The following PPIG variants were observed in gnomAD, a reference collection of about 807,000 sequenced individuals.
PPIG encodes the protein peptidylprolyl isomerase G.
PPIG carries 26 observed loss-of-function variants against 87.9 expected under a neutral mutation model. That is an observed-to-expected ratio of 0.30 (90% CI 0.22 to 0.41). The LOEUF (loss-of-function observed/expected upper bound fraction) is 0.41, where lower values mean the gene tolerates loss of function less well. PPIG is among the 10% of genes least tolerant of loss of function. The probability of loss-of-function intolerance (pLI) is 1.00; values close to 1 mark genes in which losing one functional copy is unlikely to be tolerated. For missense variants in PPIG, 722 were observed against 879.4 expected (o/e 0.82, Z 2.26); for synonymous variants, 308 against 276.5 (o/e 1.11, Z -1.13).
chr2:169,607,164 TTTATA>T lies in PPIG; in HGVS notation c.289+21_289+25del, dbSNP rs774688091. On this transcript the variant is annotated intron_variant, in intron 6 of 13. Coordinates refer to ENST00000260970, the MANE Select transcript of PPIG (RefSeq NM_004792.3). ...TTTTTTGAAGGTAAAAATGTTTACA[TTTATA>T]TTATGTTTTAAATATTTTGTCTTTT... 54 of 1,434,852 alleles carry T rather than the reference TTTATA, an allele frequency of 3.8e-5. No individual in the cohort carries two copies. In the East Asian group the frequency reaches 1.2e-3, roughly 31 times the overall value. The allele number at this position is 1,434,852 out of a possible 1,614,324, so 88.9% of individuals were successfully genotyped here. A position where few individuals can be genotyped will look rare whatever the true frequency, so the allele number is the denominator to read the frequency against.
intron 12 of PPIG, 63 bp downstream of exon 12, chr2:169,633,310 G>A: frequency 1.6e-6 from 2 of 1,271,904 alleles, no homozygotes; most frequent in Non-Finnish European, 2.3e-6. Flanking sequence ...AATAATTTTA[G>A]GGTGTTTCTT....
chr2:169,612,677 T>TG (rs1685523523), intron 7 of PPIG, among the ~76,000 whole-genome samples: 1 of 152,120 alleles, frequency 6.6e-6, no homozygotes, highest in Admixed American at 6.6e-5. Flanking sequence ...CCACTGCACC[T>TG]GGCATGAAGT....
At chr2:169,590,661 A>T (rs970333329) in intron 1 of PPIG, among the ~76,000 whole-genome samples, 3 of 151,940 alleles carry the variant, frequency 2.0e-5, no homozygotes, top group Non-Finnish European at 2.9e-5. Flanking sequence ...AAACAAACAA[A>T]CAGACCTTAG....
intron 1 of PPIG, among the ~76,000 whole-genome samples, chr2:169,586,681 A>G (rs957362568): frequency 6.6e-6 from 1 of 152,248 alleles, no homozygotes; most frequent in Non-Finnish European, 1.5e-5. Context: ...GAAGCCATTC[A>G]TAATAAAGTA....
At chr2:169,595,828 A>G (rs546024113) in intron 1 of PPIG, among the ~76,000 whole-genome samples, 2 of 152,200 alleles carry the variant, frequency 1.3e-5, no homozygotes, top group East Asian at 3.9e-4. Context: ...TTTGAGACTG[A>G]GTTTCGCTCT....
chr2:169,614,353 T>C, intron 7 of PPIG, 111 bp from the exon 8 acceptor site: 1 of 1,031,046 alleles, frequency 9.7e-7, no homozygotes, highest in Non-Finnish European at 1.5e-6. Context: ...AGTTGATGTC[T>C]TTGTTTTCAA....
At chr2:169,614,070 TAAACTC>T (rs1437834314) in intron 7 of PPIG, among the ~76,000 whole-genome samples, 4 of 152,266 alleles carry the variant, frequency 2.6e-5, no homozygotes, top group African/African-American at 9.6e-5. Context: ...GCATTATTGT[TAAACTC>T]AAACACTGGT....
intron 9 of PPIG, among the ~76,000 whole-genome samples, chr2:169,624,287 G>A (rs1685828407): frequency 6.6e-6 from 1 of 152,080 alleles, no homozygotes; most frequent in African/African-American, 2.4e-5. Flanking sequence ...TATTATACTA[G>A]TAAGTTAAAT....
In PPIG at chr2:169,637,557, G is replaced by C. The variant is rs74263912; in HGVS notation, c.*34G>C. The C allele has an allele frequency of 6.7e-7, 1 of 1,484,970 alleles. No individual in the cohort carries two copies. Among genetic ancestry groups the C allele is most frequent in the Non-Finnish European group, 8.9e-7 (1 of 1,122,890 alleles). The allele number at this position is 1,484,970 out of a possible 1,614,324, so 92.0% of individuals were successfully genotyped here. Reference sequence around the variant, plus strand: ...TATAAACTTACTTCCATTCTGTTTCGGATTTTAAGTTTGAGAGACTTGCTA... The same window carrying C: ...TATAAACTTACTTCCATTCTGTTTCCGATTTTAAGTTTGAGAGACTTGCTA... On this transcript the variant is annotated 3_prime_UTR_variant, in exon 14 of 14. Transcript: ENST00000260970.
At chr2:169,627,163 A>G (rs1407578202) in intron 9 of PPIG, among the ~76,000 whole-genome samples, 1 of 152,088 alleles carries the variant, frequency 6.6e-6, no homozygotes, top group African/African-American at 2.4e-5. Flanking sequence ...CAGTGGTGCA[A>G]TCTTGGCTTA....
intron 7 of PPIG, among the ~76,000 whole-genome samples, chr2:169,613,640 TAAACTCTC>T (rs1685545725): frequency 2.6e-5 from 4 of 152,106 alleles, no homozygotes; most frequent in Non-Finnish European, 5.9e-5. Context: ...AAAAAACTTG[TAAACTCTC>T]AGCGGGGCAA....
At position 169,637,222 on chromosome 2, in the gene PPIG, A is replaced by C; in HGVS notation, c.1964A>C (p.Lys655Thr). The change falls in exon 14 of 14, where the codon AAA becomes ACA. Residue 655 changes from lysine (K) to threonine (T), a missense_variant. By Grantham distance (78) the Lys-to-Thr change is moderately conservative. Transcript: ENST00000260970. ...RNQESKSSHR[K>T]ENSESEKRMY... Reference sequence around the variant, plus strand: ...CAAGAGAGTAAGAGCTCACACAGAAAAGAAAATTCTGAGAGTGAGAAAAGA... The same window carrying C: ...CAAGAGAGTAAGAGCTCACACAGAACAGAAAATTCTGAGAGTGAGAAAAGA... The C allele has an allele frequency of 6.2e-7, 1 of 1,613,538 alleles. No individual in the cohort carries two copies. Among genetic ancestry groups the C allele is most frequent in the East Asian group, 2.2e-5 (1 of 44,862 alleles).
At chr2:169,620,905 G>A (rs928823725) in intron 9 of PPIG, among the ~76,000 whole-genome samples, 1 of 152,026 alleles carries the variant, frequency 6.6e-6, no homozygotes, top group African/African-American at 2.4e-5. Flanking sequence ...CTAATCTAGG[G>A]AATAATAATA....
chr2:169,606,591 C>CAAA (rs71006009), intron 5 of PPIG, among the ~76,000 whole-genome samples: 8 of 85,026 alleles, frequency 9.4e-5, no homozygotes, highest in East Asian at 8.1e-4. Flanking sequence ...GACTCTGTCT[C>CAAA]AAAAAAAAAA....
At position 169,631,006 on chromosome 2, in the gene PPIG, T is replaced by TAAA; in HGVS notation, c.761+21_761+22insAAA. 1 of 1,539,410 alleles carries TAAA rather than the reference T, an allele frequency of 6.5e-7. No individual in the cohort carries two copies. Among genetic ancestry groups the TAAA allele is most frequent in the Non-Finnish European group, 8.8e-7 (1 of 1,140,978 alleles). ...AGAAGAGGTCTTAATTTTACTTTTCTAATGCTAGCTTTATATTCTGATTTC... is the reference window on the plus strand; with the variant it reads ...AGAAGAGGTCTTAATTTTACTTTTCTAAAAATGCTAGCTTTATATTCTGATTTC... On this transcript the variant is annotated intron_variant, in intron 10 of 13. Transcript: ENST00000260970.
At chr2:169,585,445 T>C (rs539921885) in intron 1 of PPIG, among the ~76,000 whole-genome samples, 2 of 151,994 alleles carry the variant, frequency 1.3e-5, no homozygotes, top group East Asian at 3.9e-4. Context: ...GTGTTTTTAG[T>C]AGAGACGGGT....
At chr2:169,588,249 A>G (rs550086988) in intron 1 of PPIG, among the ~76,000 whole-genome samples, 14 of 152,058 alleles carry the variant, frequency 9.2e-5, no homozygotes, top group African/African-American at 2.4e-4. Flanking sequence ...GTGTGTGTGT[A>G]TATACTAAGC....
At chr2:169,607,049 G>T in intron 5 of PPIG, 55 bp from the exon 6 acceptor site, 1 of 1,076,284 alleles carries the variant, frequency 9.3e-7, no homozygotes. Flanking sequence ...TTTTGTTTAG[G>T]TATCACCTTT....
intron 5 of PPIG, 33 bp downstream of exon 5, chr2:169,606,179 G>C (rs749518888): frequency 1.4e-6 from 2 of 1,452,512 alleles, no homozygotes; most frequent in Admixed American, 1.7e-5. Context: ...ATTATTTTCT[G>C]TTAAATATCA....
Sources: gnomAD v4.1 joint callset for allele counts (sites outside exome capture counted in the v4.1 genomes callset) on GRCh38, gnomAD v4.1.1 for gene constraint, MANE v1.5 for transcripts, NCBI Gene and HGNC (gene_info 2026-07-23, HGNC 2026-07-21) for gene names.